Variants in CDK19 observed in about 807,000 individuals in gnomAD.
CDK19 encodes cyclin-dependent kinase 19.
CDK19 carries 20 observed loss-of-function variants against 68.3 expected under a neutral mutation model. That is an observed-to-expected ratio of 0.29 (90% confidence interval 0.21 to 0.43). The LOEUF is 0.43. CDK19 is among the 20% of genes least tolerant of loss of function. The probability of loss-of-function intolerance (pLI) is 1.00; values close to 1 mark genes in which losing one functional copy is unlikely to be tolerated. For missense variants in CDK19, 339 were observed against 623.5 expected (o/e 0.54, Z 4.86); for synonymous variants, 221 against 222.8 (o/e 0.99, Z 0.07).
intron 4 of CDK19, among the ~76,000 whole-genome samples, chr6:110,648,592 G>A (rs923269288): frequency 6.9e-6 from 1 of 145,974 alleles, no homozygotes; most frequent in Non-Finnish European, 1.5e-5. Flanking sequence ...CCAGGCTGGA[G>A]TGCAGTGGCA....
intron 2 of CDK19, among the ~76,000 whole-genome samples, chr6:110,710,772 TATC>T (rs1440331532): frequency 3.3e-5 from 5 of 152,176 alleles, no homozygotes; most frequent in Non-Finnish European, 5.9e-5. Flanking sequence ...CACCTCCTAA[TATC>T]ATCATCTTGA....
chr6:110,648,898 T>C (rs1379426351), intron 4 of CDK19, among the ~76,000 whole-genome samples: 1 of 152,034 alleles, frequency 6.6e-6, no homozygotes, highest in Non-Finnish European at 1.5e-5. Flanking sequence ...TTTGTATTTT[T>C]AGTAGAGACG....
chr6:110,616,660 C>G (rs1778330041), intron 12 of CDK19, among the ~76,000 whole-genome samples: 1 of 150,034 alleles, frequency 6.7e-6, no homozygotes, highest in Non-Finnish European at 1.5e-5. Flanking sequence ...CAGAGGGAGA[C>G]TCCATCTCAA....
chr6:110,690,287 C>T (rs925448090), intron 2 of CDK19, among the ~76,000 whole-genome samples: 9 of 151,164 alleles, frequency 6.0e-5, no homozygotes, highest in African/African-American at 1.9e-4. Context: ...CTCAGAACAT[C>T]AACATTCCTG....
chr6:110,798,676 C>A, intron 1 of CDK19, among the ~76,000 whole-genome samples: 3 of 126,512 alleles, frequency 2.4e-5, no homozygotes, highest in South Asian at 2.6e-4. Flanking sequence ...CCAGGAACAA[C>A]AAGATATACC....
chr6:110,739,305 A>G (rs1284504976), intron 2 of CDK19, among the ~76,000 whole-genome samples: 3 of 152,170 alleles, frequency 2.0e-5, no homozygotes, highest in Non-Finnish European at 4.4e-5. Context: ...TTGGCTTTCC[A>G]CCATGTGGAG....
At chr6:110,729,813 T>C (rs1200158869) in intron 2 of CDK19, among the ~76,000 whole-genome samples, 1 of 151,586 alleles carries the variant, frequency 6.6e-6, no homozygotes, top group Admixed American at 6.6e-5. Context: ...AGCACAAATG[T>C]AGCACACTGC....
chr6:110,800,870 A>AT lies in CDK19; in HGVS notation c.128+14138dup, dbSNP rs889548778. ...TACTGAAAGAGCAAAAGTTGGATGC[A>AT]TTCCCCCAAGAACTGAAACAAGACA... On this transcript the variant is annotated intron_variant, in intron 1 of 12. Coordinates refer to ENST00000368911, the MANE Select transcript of CDK19 (RefSeq NM_015076.5). 2.8e-4 allele frequency among the ~76,000 whole-genome samples: 43 copies of AT among 152,248 alleles called. 1 individual carries two copies. The South Asian group carries it at 8.9e-3, about 32-fold the overall frequency.
At chr6:110,663,624 T>C (rs950433293) in intron 4 of CDK19, among the ~76,000 whole-genome samples, 1 of 152,184 alleles carries the variant, frequency 6.6e-6, no homozygotes, top group African/African-American at 2.4e-5. Flanking sequence ...CTTGACCTCC[T>C]GGGCTAAAGC....
At chr6:110,639,176 A>G (rs1182176671) in intron 4 of CDK19, among the ~76,000 whole-genome samples, 1 of 152,258 alleles carries the variant, frequency 6.6e-6, no homozygotes, top group Admixed American at 6.5e-5. Context: ...AAATTCATGC[A>G]TCAGCTATCA....
chr6:110,697,123 C>T (rs1330603500), intron 2 of CDK19, among the ~76,000 whole-genome samples: 2 of 151,268 alleles, frequency 1.3e-5, no homozygotes, highest in East Asian at 3.9e-4. Context: ...ATCCCAGCTA[C>T]TCAGGAGGCT....
At chr6:110,804,282 T>C (rs921684396) in intron 1 of CDK19, among the ~76,000 whole-genome samples, 1 of 152,164 alleles carries the variant, frequency 6.6e-6, no homozygotes, top group East Asian at 1.9e-4. Context: ...GTTTAAAGCC[T>C]CTATAAGAAG....
intron 2 of CDK19, chr6:110,670,913 C>G: frequency 2.6e-6 from 1 of 382,796 alleles, no homozygotes. Context: ...ACATGCATAT[C>G]TTTTTTACTA....
At chr6:110,780,741 G>T (rs1351535614) in intron 1 of CDK19, among the ~76,000 whole-genome samples, 3 of 152,050 alleles carry the variant, frequency 2.0e-5, no homozygotes, top group African/African-American at 7.2e-5. Flanking sequence ...ATGATGAGCT[G>T]CTTGAAAGAA....
chr6:110,643,301 G>GT, intron 4 of CDK19: 1 of 735,880 alleles, frequency 1.4e-6, no homozygotes, highest in South Asian at 1.5e-5. Flanking sequence ...CCACCTAAAG[G>GT]TAAGAACCAT....
intron 2 of CDK19, among the ~76,000 whole-genome samples, chr6:110,704,994 T>C (rs1039054993): frequency 6.6e-6 from 1 of 151,898 alleles, no homozygotes; most frequent in Non-Finnish European, 1.5e-5. Context: ...GGTGGTACAA[T>C]TTAGAGATAA....
intron 2 of CDK19, among the ~76,000 whole-genome samples, chr6:110,670,978 C>G (rs1486832925): frequency 6.6e-6 from 1 of 152,046 alleles, no homozygotes; most frequent in East Asian, 1.9e-4. Context: ...TTATATCTAC[C>G]CTAGCACTGT....
At chr6:110,793,973 T>C (rs1289236705) in intron 1 of CDK19, among the ~76,000 whole-genome samples, 1 of 152,248 alleles carries the variant, frequency 6.6e-6, no homozygotes, top group Admixed American at 6.5e-5. Context: ...AATATTGGTT[T>C]TTCTGTTGCA....
chr6:110,622,744 T>A (rs367797884), intron 10 of CDK19, 71 bp downstream of exon 10: 14 of 930,268 alleles, frequency 1.5e-5, no homozygotes, highest in East Asian at 2.4e-5. Context: ...AGCAAGTGCT[T>A]CCCTTGCTTT....
Sources: allele counts gnomAD v4.1 joint callset (sites outside exome capture counted in the v4.1 genomes callset), GRCh38; gene constraint gnomAD v4.1.1; transcripts MANE v1.5; gene names NCBI Gene and HGNC (gene_info 2026-07-23, HGNC 2026-07-21).